NDST4: variants seen among roughly 807,000 people sequenced by gnomAD.
The protein encoded by NDST4 is N-deacetylase and N-sulfotransferase 4.
NDST4 carries 63 observed loss-of-function variants against 100.8 expected under a neutral mutation model. The observed-to-expected ratio is 0.62, with a 90% CI of 0.51 to 0.77. The LOEUF (loss-of-function observed/expected upper bound fraction) is 0.77. NDST4 is among the 30% of genes least tolerant of loss of function. The pLI, the probability that NDST4 is intolerant of heterozygous loss-of-function variation, is 0.00. For missense variants in NDST4, 943 were observed against 1,018.4 expected (o/e 0.93, Z 1.01); for synonymous variants, 377 against 361.8 (o/e 1.04, Z -0.48).
At chr4:114,911,944 A>C (rs551183185) in intron 6 of NDST4, among the ~76,000 whole-genome samples, 1 of 152,286 alleles carries the variant, frequency 6.6e-6, no homozygotes, top group South Asian at 2.1e-4. Context: ...AACTGAAAGC[A>C]GCTGAGAGGG....
chr4:114,892,518 G>T (rs1284038626), intron 6 of NDST4, among the ~76,000 whole-genome samples: 1 of 152,022 alleles, frequency 6.6e-6, no homozygotes, highest in African/African-American at 2.4e-5. Flanking sequence ...GACCATCAAA[G>T]ATGTCTTATT....
Position 115,009,322 on chromosome 4 carries a change from G to T in NDST4, c.979-32048C>A, listed in dbSNP as rs561607070. 4.9e-3 allele frequency among the ~76,000 whole-genome samples: 633 copies of T among 128,646 alleles called. 161 individuals carry two copies. The highest frequency in any genetic ancestry group is 0.018 in the African/African-American group (598 of 33,874). The allele number at this position is 128,646 out of a possible 152,430, so 84.4% of individuals were successfully genotyped here. ...ACAGTAACCAAAACAGCATGGTACT[G>T]GTACCAAAACAGAGATATAGATCAA... On this transcript the variant is annotated intron_variant, in intron 2 of 13. Coordinates refer to ENST00000264363, the MANE Select transcript of NDST4 (RefSeq NM_022569.3).
intron 6 of NDST4, among the ~76,000 whole-genome samples, chr4:114,883,429 C>A (rs1159734027): frequency 6.6e-6 from 1 of 151,708 alleles, no homozygotes; most frequent in Non-Finnish European, 1.5e-5. Context: ...CAACTCTGGG[C>A]AATCACTAAA....
At chr4:114,913,689 T>C (rs1725108446) in intron 6 of NDST4, among the ~76,000 whole-genome samples, 1 of 147,132 alleles carries the variant, frequency 6.8e-6, no homozygotes, top group East Asian at 2.0e-4. Context: ...GTCCCCAGAA[T>C]GGTATGCAAG....
At chr4:114,867,665 CAAAA>C in intron 7 of NDST4, among the ~76,000 whole-genome samples, 4 of 79,900 alleles carry the variant, frequency 5.0e-5, no homozygotes, top group African/African-American at 9.8e-5. Flanking sequence ...AAAAAAAAAG[CAAAA>C]AAAAAAAAAA....
intron 2 of NDST4, among the ~76,000 whole-genome samples, chr4:115,065,334 A>G (rs545918959): frequency 6.6e-6 from 1 of 152,242 alleles, no homozygotes; most frequent in African/African-American, 2.4e-5. Flanking sequence ...GTTAAGGTAA[A>G]CTAGTAGGTG....
At chr4:115,100,487 A>G (rs146821924) in intron 1 of NDST4, among the ~76,000 whole-genome samples, 11 of 152,204 alleles carry the variant, frequency 7.2e-5, no homozygotes, top group African/African-American at 2.4e-4. Flanking sequence ...TATTCAAAAA[A>G]AGAGCAAGCT....
At chr4:115,075,127 C>A (rs1308258679) in intron 2 of NDST4, among the ~76,000 whole-genome samples, 1 of 152,084 alleles carries the variant, frequency 6.6e-6, no homozygotes, top group Non-Finnish European at 1.5e-5. Context: ...AGTAACACTG[C>A]TGTGTTTTCC....
chr4:114,953,504 T>A (rs1726067762), intron 4 of NDST4, among the ~76,000 whole-genome samples: 1 of 152,018 alleles, frequency 6.6e-6, no homozygotes, highest in East Asian at 1.9e-4. Context: ...GAGCAAATAG[T>A]CCTTATAATA....
intron 2 of NDST4, among the ~76,000 whole-genome samples, chr4:114,987,660 T>C (rs1302572373): frequency 6.6e-6 from 1 of 152,206 alleles, no homozygotes; most frequent in Non-Finnish European, 1.5e-5. Context: ...ATCTTCAAAA[T>C]GTTTAGGAAA....
rs538740206 is a variant in NDST4 at position 114,963,841 on chromosome 4, G to T, written c.1221+6589C>A. On this transcript the variant is annotated intron_variant, in intron 4 of 13. Coordinates refer to ENST00000264363, the MANE Select transcript of NDST4 (RefSeq NM_022569.3). Reference sequence around the variant, plus strand: ...TTTTGAAATTAATGCAATAGTAAGTGTGAGTTATATCACACAGGATCCTCT... The same window carrying T: ...TTTTGAAATTAATGCAATAGTAAGTTTGAGTTATATCACACAGGATCCTCT... 1.5e-4 allele frequency among the ~76,000 whole-genome samples: 23 copies of T among 152,284 alleles called. No individual in the cohort carries two copies. The East Asian group carries it at 4.1e-3, about 27-fold the overall frequency.
intron 2 of NDST4, among the ~76,000 whole-genome samples, chr4:114,985,951 G>T (rs959343436): frequency 6.6e-5 from 10 of 152,144 alleles, no homozygotes; most frequent in Admixed American, 2.0e-4. Context: ...GGTCAGGAAA[G>T]AACTTAGCGT....
At chr4:115,072,265 T>C (rs191582605) in intron 2 of NDST4, among the ~76,000 whole-genome samples, 2 of 152,208 alleles carry the variant, frequency 1.3e-5, no homozygotes, top group East Asian at 1.9e-4. Flanking sequence ...TATTGTTGAA[T>C]GTCTATGATA....
chr4:114,836,204 T>C (rs751879049), intron 11 of NDST4, among the ~76,000 whole-genome samples: 1 of 152,184 alleles, frequency 6.6e-6, no homozygotes, highest in Non-Finnish European at 1.5e-5. Context: ...TTCTTCATAG[T>C]GTCATCAGTC....
At chr4:115,058,942 G>A (rs1040936983) in intron 2 of NDST4, among the ~76,000 whole-genome samples, 1 of 151,476 alleles carries the variant, frequency 6.6e-6, no homozygotes, top group African/African-American at 2.4e-5. Flanking sequence ...AGTCAGAATA[G>A]ATGGGAATAG....
At chr4:114,910,051 A>G (rs554728596) in intron 6 of NDST4, among the ~76,000 whole-genome samples, 37 of 152,272 alleles carry the variant, frequency 2.4e-4, no homozygotes, top group African/African-American at 8.2e-4. Flanking sequence ...CTAGTTCTTT[A>G]TCATCCAAAA....
chr4:114,993,567 T>C (rs1335944348), intron 2 of NDST4, among the ~76,000 whole-genome samples: 1 of 151,966 alleles, frequency 6.6e-6, no homozygotes, highest in Non-Finnish European at 1.5e-5. Flanking sequence ...GAATATATGT[T>C]TTCCTTAAAT....
intron 3 of NDST4, among the ~76,000 whole-genome samples, chr4:114,972,670 T>C (rs909222605): frequency 2.0e-4 from 31 of 152,030 alleles, no homozygotes; most frequent in Non-Finnish European, 3.8e-4. Context: ...ATGTCACATA[T>C]GATGAAAGAA....
chr4:115,054,489 T>A (rs1409866924), intron 2 of NDST4, among the ~76,000 whole-genome samples: 1 of 152,166 alleles, frequency 6.6e-6, no homozygotes, highest in Non-Finnish European at 1.5e-5. Flanking sequence ...AAAGAAGTAA[T>A]CATTATAAAA....
Sources: allele counts gnomAD v4.1 joint callset (sites outside exome capture counted in the v4.1 genomes callset), GRCh38; gene constraint gnomAD v4.1.1; transcripts MANE v1.5; gene names NCBI Gene and HGNC (gene_info 2026-07-23, HGNC 2026-07-21).